Variants in CSMD1 observed in about 807,000 individuals in gnomAD.
CSMD1 encodes CUB and sushi domain-containing protein 1.
CSMD1 carries 213 observed loss-of-function variants against 417.5 expected under a neutral mutation model. The observed-to-expected ratio is 0.51, with a 90% confidence interval of 0.46 to 0.57. The LOEUF is 0.57. Ranked by LOEUF, CSMD1 falls within the 20% of genes least tolerant of loss-of-function variation. The pLI, the probability that CSMD1 is intolerant of heterozygous loss-of-function variation, is 0.00. For synonymous variants in CSMD1, 2,862 were observed against 1,736.8 expected (o/e 1.65, Z -16.11); for missense variants, 6,923 against 4,529.7 (o/e 1.53, Z -15.17).
chr8:4,065,336 G>C (rs1563076258), intron 3 of CSMD1, among the ~76,000 whole-genome samples: 2 of 152,164 alleles, frequency 1.3e-5, no homozygotes, highest in Non-Finnish European at 1.5e-5. Context: ...ACCAGAATAA[G>C]GCTGGTGTTC....
intron 52 of CSMD1, among the ~76,000 whole-genome samples, chr8:3,011,658 CTA>C (rs1460714227): frequency 6.6e-6 from 1 of 152,150 alleles, no homozygotes; most frequent in Admixed American, 6.6e-5. Context: ...ATAATGTCCT[CTA>C]TGTGGGAAAT....
chr8:4,091,893 A>G (rs953007462), intron 3 of CSMD1, among the ~76,000 whole-genome samples: 1 of 152,234 alleles, frequency 6.6e-6, no homozygotes, highest in Non-Finnish European at 1.5e-5. Context: ...TAAGAACCGT[A>G]CAGAGTTTTA....
intron 3 of CSMD1, among the ~76,000 whole-genome samples, chr8:4,116,529 ACCTGG>A (rs1802160012): frequency 1.9e-4 from 4 of 20,974 alleles, no homozygotes; most frequent in African/African-American, 7.9e-4. Flanking sequence ...GAGTGCAGGT[ACCTGG>A]ATGGAACAAA....
chr8:2,964,264 C>A (rs1349207115), intron 59 of CSMD1, among the ~76,000 whole-genome samples: 1 of 152,232 alleles, frequency 6.6e-6, no homozygotes, highest in Non-Finnish European at 1.5e-5. Context: ...ACACACAAAT[C>A]ACATGTGCAC....
Position 4,834,642 on chromosome 8 carries a change from G to A in CSMD1, c.85+159690C>T, listed in dbSNP as rs944584793. 4.0e-5 allele frequency among the ~76,000 whole-genome samples: 6 copies of A among 151,628 alleles called. No homozygotes were observed. The East Asian group carries it at 9.8e-4, about 25-fold the overall frequency. Reference sequence around the variant, plus strand: ...ATGGCAGAGGAAGTAGCTAGCTAGTGAAAAAGAAGAATGAATTAAAAGGAA... The same window carrying A: ...ATGGCAGAGGAAGTAGCTAGCTAGTAAAAAAGAAGAATGAATTAAAAGGAA... On this transcript the variant is annotated intron_variant, in intron 1 of 69. Coordinates refer to ENST00000635120, the MANE Select transcript of CSMD1 (RefSeq NM_033225.6).
chr8:3,354,762 A>C (rs1229356216), intron 21 of CSMD1, among the ~76,000 whole-genome samples: 1 of 148,242 alleles, frequency 6.7e-6, no homozygotes, highest in African/African-American at 2.5e-5. Context: ...ACTACATAGA[A>C]TTATATACAG....
chr8:3,899,308 G>T (rs1807572604), intron 5 of CSMD1, among the ~76,000 whole-genome samples: 1 of 152,206 alleles, frequency 6.6e-6, no homozygotes, highest in Non-Finnish European at 1.5e-5. Flanking sequence ...AGTACGCTTT[G>T]CAAAAGAGGT....
chr8:4,529,941 G>A (rs945686066), intron 2 of CSMD1, among the ~76,000 whole-genome samples: 11 of 151,172 alleles, frequency 7.3e-5, no homozygotes, highest in African/African-American at 2.4e-4. Context: ...TTGAGACCGA[G>A]TCTCGATTTG....
chr8:3,961,551 C>T (rs536188047), intron 5 of CSMD1, among the ~76,000 whole-genome samples: 39 of 152,260 alleles, frequency 2.6e-4, no homozygotes, highest in African/African-American at 8.9e-4. Flanking sequence ...CTATCCTAGG[C>T]AGAAATTTCC....
At chr8:3,654,859 G>A (rs116335397) in intron 7 of CSMD1, among the ~76,000 whole-genome samples, 1,737 of 152,168 alleles carry the variant, frequency 0.011, 42 homozygotes, top group African/African-American at 0.039. Flanking sequence ...ACCCACACCC[G>A]GACCTGCCAG....
At chr8:3,141,436 G>C (rs971738901) in intron 41 of CSMD1, among the ~76,000 whole-genome samples, 1 of 152,062 alleles carries the variant, frequency 6.6e-6, no homozygotes, top group African/African-American at 2.4e-5. Flanking sequence ...GCCCTTTCCC[G>C]AAAAGACCCC....
intron 1 of CSMD1, among the ~76,000 whole-genome samples, chr8:4,710,080 C>A (rs1180470884): frequency 6.6e-6 from 1 of 152,010 alleles, no homozygotes. Flanking sequence ...GGGGCAAGAA[C>A]ACAAAATATC....
At chr8:4,645,563 A>G (rs1193585370) in intron 1 of CSMD1, among the ~76,000 whole-genome samples, 2 of 151,564 alleles carry the variant, frequency 1.3e-5, no homozygotes, top group African/African-American at 4.8e-5. Context: ...CCTCATGGAT[A>G]TGAGCCCCAG....
intron 5 of CSMD1, among the ~76,000 whole-genome samples, chr8:3,877,525 T>C (rs1053735605): frequency 6.6e-6 from 1 of 152,130 alleles, no homozygotes; most frequent in Non-Finnish European, 1.5e-5. Context: ...CCCTCAAGCT[T>C]CGATGTTCCC....
intron 3 of CSMD1, among the ~76,000 whole-genome samples, chr8:4,049,275 C>G (rs938050480): frequency 6.6e-6 from 1 of 151,878 alleles, no homozygotes; most frequent in Non-Finnish European, 1.5e-5. Context: ...TAATTATTTG[C>G]TGTGGAGATT....
intron 1 of CSMD1, among the ~76,000 whole-genome samples, chr8:4,836,128 G>C (rs2407666): frequency 6.6e-6 from 1 of 152,012 alleles, no homozygotes; most frequent in Non-Finnish European, 1.5e-5. Context: ...TTTCCAATTT[G>C]AAATATAGGT....
chr8:4,142,962 C>G (rs68086168), intron 3 of CSMD1, among the ~76,000 whole-genome samples: 45,000 of 149,628 alleles, frequency 0.3, 8,354 homozygotes, highest in Non-Finnish European at 0.39. Flanking sequence ...TACCCAGAAA[C>G]TATCAGATGC....
At chr8:4,319,095 C>T (rs1180112191) in intron 3 of CSMD1, among the ~76,000 whole-genome samples, 1 of 152,114 alleles carries the variant, frequency 6.6e-6, no homozygotes, top group Non-Finnish European at 1.5e-5. Context: ...CATATACATG[C>T]ACATAGTAAC....
At chr8:4,135,837 C>A (rs910895741) in intron 3 of CSMD1, among the ~76,000 whole-genome samples, 6 of 152,194 alleles carry the variant, frequency 3.9e-5, no homozygotes, top group Non-Finnish European at 8.8e-5. Flanking sequence ...GATGTAACTA[C>A]AAATTGGCAT....
Sources: allele counts gnomAD v4.1 joint callset (sites outside exome capture counted in the v4.1 genomes callset), GRCh38; gene constraint gnomAD v4.1.1; transcripts MANE v1.5; gene names NCBI Gene and HGNC (gene_info 2026-07-23, HGNC 2026-07-21).